Variants in MEI4 observed in about 807,000 individuals in gnomAD.
The protein encoded by MEI4 is meiotic double-stranded break formation protein 4.
In MEI4, 27 loss-of-function variants were observed where a neutral mutation model predicts 31.4. The ratio of observed to expected loss-of-function variants is 0.86; its 90% CI spans 0.63 to 1.19. The LOEUF is 1.19. Ranked by LOEUF, MEI4 falls within the 50% of genes most tolerant of loss-of-function variation. MEI4 has a pLI of 0.00. For missense variants in MEI4, 329 were observed against 398.9 expected (o/e 0.82, Z 1.49); for synonymous variants, 122 against 145.4 (o/e 0.84, Z 1.16).
Position 77,828,987 on chromosome 6 carries a change from G to T in MEI4, c.825G>T (p.Leu275Phe), listed in dbSNP as rs1770018668. The T allele has an allele frequency of 2.4e-6, 3 of 1,232,144 alleles. No individual in the cohort carries two copies. Among genetic ancestry groups the T allele is most frequent in the Non-Finnish European group, 3.0e-6 (3 of 987,870 alleles). The allele number at this position is 1,232,144 out of a possible 1,614,324, so 76.3% of individuals were successfully genotyped here. The change falls in exon 4 of 5, where the codon TTG becomes TTT. Residue 275 changes from leucine (L) to phenylalanine (F), a missense_variant. Coordinates refer to ENST00000684080, the MANE Select transcript of MEI4 (RefSeq NM_001322247.2). ...TGGTTACCTTGGGAAATTGCAGCTTGTTGAGAAAATCTATTATATCTCTGC... is the reference window on the plus strand; with the variant it reads ...TGGTTACCTTGGGAAATTGCAGCTTTTTGAGAAAATCTATTATATCTCTGC... The part of the protein sequence containing the change: ...QSLVTLGNCS[L>F]LRKSIISLLL...
At chr6:77,800,598 TG>T (rs1393737589) in intron 3 of MEI4, among the ~76,000 whole-genome samples, 1 of 152,254 alleles carries the variant, frequency 6.6e-6, no homozygotes, top group Non-Finnish European at 1.5e-5. Flanking sequence ...TTCCAGTTTT[TG>T]CCCATTCAGT....
chr6:77,759,292 A>T (rs1330232726), intron 2 of MEI4, among the ~76,000 whole-genome samples: 1 of 152,092 alleles, frequency 6.6e-6, no homozygotes, highest in Admixed American at 6.6e-5. Flanking sequence ...GATCCTATTC[A>T]GGGTATCTTT....
intron 1 of MEI4, among the ~76,000 whole-genome samples, chr6:77,663,864 C>T (rs1429035448): frequency 6.6e-6 from 1 of 151,890 alleles, no homozygotes; most frequent in African/African-American, 2.4e-5. Flanking sequence ...AGTCAGAGAG[C>T]CTTGGGCCAG....
intron 4 of MEI4, among the ~76,000 whole-genome samples, chr6:77,850,432 A>C (rs1770588621): frequency 6.6e-6 from 1 of 152,158 alleles, no homozygotes; most frequent in South Asian, 2.1e-4. Context: ...TGGTACCAAA[A>C]CAGAGATAGA....
chr6:77,759,617 A>G (rs1767999962), intron 2 of MEI4, among the ~76,000 whole-genome samples: 1 of 152,114 alleles, frequency 6.6e-6, no homozygotes, highest in African/African-American at 2.4e-5. Flanking sequence ...GAATGCATGT[A>G]TTCATACTTT....
intron 3 of MEI4, among the ~76,000 whole-genome samples, chr6:77,798,248 AAAAT>A (rs1481397329): frequency 4.0e-5 from 6 of 148,826 alleles, no homozygotes; most frequent in South Asian, 2.1e-4. Flanking sequence ...AGTGGAATAA[AAAAT>A]AAATGAGAAA....
At position 77,909,089 on chromosome 6, in the gene MEI4, C is replaced by G. The variant is rs576104690; in HGVS notation, c.901-14000C>G. On this transcript the variant is annotated intron_variant, in intron 4 of 4. Coordinates refer to ENST00000684080, the MANE Select transcript of MEI4 (RefSeq NM_001322247.2). ...CACACCACACCTATTCCAAAATTGACCACATAGTTGGAACTAAAGCACTCC... is the reference window on the plus strand; with the variant it reads ...CACACCACACCTATTCCAAAATTGAGCACATAGTTGGAACTAAAGCACTCC... Among the ~76,000 whole-genome samples, 9 of 152,190 alleles carry G rather than the reference C, an allele frequency of 5.9e-5. No individual in the cohort carries two copies. The South Asian group carries it at 1.9e-3, about 32-fold the overall frequency.
chr6:77,752,388 T>G (rs1490601818), intron 2 of MEI4, among the ~76,000 whole-genome samples: 2 of 151,180 alleles, frequency 1.3e-5, no homozygotes, highest in African/African-American at 4.8e-5. Flanking sequence ...TCAGCTGTCT[T>G]AAGCTGATAA....
intron 3 of MEI4, among the ~76,000 whole-genome samples, chr6:77,794,207 T>C (rs531600552): frequency 6.6e-6 from 1 of 152,154 alleles, no homozygotes; most frequent in Non-Finnish European, 1.5e-5. Context: ...ACACAAAAAT[T>C]CACTGTATAA....
chr6:77,769,586 C>T (rs1052202589), intron 3 of MEI4, among the ~76,000 whole-genome samples: 2 of 152,048 alleles, frequency 1.3e-5, no homozygotes, highest in African/African-American at 2.4e-5. Flanking sequence ...ATTGTACCTC[C>T]AAGACCCCTT....
chr6:77,912,544 A>G (rs1766455878), intron 4 of MEI4, among the ~76,000 whole-genome samples: 1 of 151,858 alleles, frequency 6.6e-6, no homozygotes. Flanking sequence ...CTGTGGTTAC[A>G]TGTTTTTTTT....
chr6:77,733,435 CTGA>C (rs1767075997), intron 2 of MEI4, among the ~76,000 whole-genome samples: 1 of 152,076 alleles, frequency 6.6e-6, no homozygotes, highest in African/African-American at 2.4e-5. Flanking sequence ...GTAGTATTCT[CTGA>C]TGGTAGTTTG....
intron 4 of MEI4, among the ~76,000 whole-genome samples, chr6:77,902,877 A>G (rs9343689): frequency 0.73 from 111,509 of 151,976 alleles, 42,006 homozygotes; most frequent in African/African-American, 0.91. Context: ...GTATAAAACC[A>G]AACTGTGTTC....
At chr6:77,729,709 T>C (rs1054509576) in intron 2 of MEI4, among the ~76,000 whole-genome samples, 1 of 152,162 alleles carries the variant, frequency 6.6e-6, no homozygotes, top group African/African-American at 2.4e-5. Flanking sequence ...AGAACAGATA[T>C]GAGAATCCCC....
intron 2 of MEI4, among the ~76,000 whole-genome samples, chr6:77,695,876 T>C (rs1327542414): frequency 1.3e-5 from 2 of 152,182 alleles, no homozygotes; most frequent in African/African-American, 2.4e-5. Flanking sequence ...TTTCACGATA[T>C]AGATTCTTCC....
chr6:77,901,560 G>C (rs1034326507), intron 4 of MEI4, among the ~76,000 whole-genome samples: 8 of 151,756 alleles, frequency 5.3e-5, no homozygotes, highest in Non-Finnish European at 1.2e-4. Context: ...TAATCAGGCT[G>C]TTTATTTTTT....
intron 2 of MEI4, among the ~76,000 whole-genome samples, chr6:77,728,533 TA>T (rs1344065074): frequency 6.6e-6 from 1 of 152,156 alleles, no homozygotes; most frequent in African/African-American, 2.4e-5. Context: ...ATGTAGACAT[TA>T]AAAAGTAAAC....
chr6:77,664,528 G>A (rs1768581816), intron 1 of MEI4, among the ~76,000 whole-genome samples: 1 of 152,166 alleles, frequency 6.6e-6, no homozygotes, highest in African/African-American at 2.4e-5. Context: ...GGTGTGAGGA[G>A]GGGAGGCGAT....
chr6:77,801,201 T>C (rs1180803219), intron 3 of MEI4, among the ~76,000 whole-genome samples: 3 of 152,214 alleles, frequency 2.0e-5, no homozygotes, highest in Non-Finnish European at 4.4e-5. Context: ...AGATTCAACT[T>C]CTTCCTGGTT....
Sources: allele counts gnomAD v4.1 joint callset (sites outside exome capture counted in the v4.1 genomes callset), GRCh38; gene constraint gnomAD v4.1.1; transcripts MANE v1.5; gene names NCBI Gene and HGNC (gene_info 2026-07-23, HGNC 2026-07-21).